FBXL2: variants seen among roughly 807,000 people sequenced by gnomAD.
FBXL2 encodes F-box and leucine rich repeat protein 2.
In FBXL2, 38 loss-of-function variants were observed where a neutral mutation model predicts 69.2. The observed-to-expected ratio is 0.55, with a 90% confidence interval of 0.42 to 0.72. The LOEUF is 0.72. Among genes scored for constraint, FBXL2 ranks in the 30% least tolerant of loss-of-function variants. The pLI is 0.00. For missense variants in FBXL2, 354 were observed against 520.3 expected (o/e 0.68, Z 3.11); for synonymous variants, 192 against 201.3 (o/e 0.95, Z 0.39).
At chr3:33,382,939 TC>T (rs1446263003) in intron 13 of FBXL2, 2 of 152,212 alleles carry the variant, frequency 1.3e-5, no homozygotes, top group Non-Finnish European at 2.9e-5. Flanking sequence ...TTGACCTTCT[TC>T]CTAAACAGTA....
At chr3:33,321,345 AAAAG>A (rs1190505592) in intron 2 of FBXL2, among the ~76,000 whole-genome samples, 5 of 152,132 alleles carry the variant, frequency 3.3e-5, no homozygotes, top group African/African-American at 9.6e-5. Context: ...AAAAAAAAGA[AAAAG>A]AAAAATGTGC....
intron 2 of FBXL2, among the ~76,000 whole-genome samples, chr3:33,358,016 C>T (rs1253851418): frequency 3.3e-5 from 5 of 152,116 alleles, no homozygotes; most frequent in Non-Finnish European, 5.9e-5. Flanking sequence ...ACTCTTCTTC[C>T]CTGAGTCCGT....
chr3:33,319,100 A>T (rs760609813), intron 2 of FBXL2, among the ~76,000 whole-genome samples: 22 of 152,330 alleles, frequency 1.4e-4, no homozygotes, highest in Non-Finnish European at 2.8e-4. Context: ...CAGTCCTGGG[A>T]TATATCAAGA....
chr3:33,290,964 C>G (rs1423165592), intron 1 of FBXL2, among the ~76,000 whole-genome samples: 3 of 151,626 alleles, frequency 2.0e-5, no homozygotes, highest in South Asian at 4.2e-4. Context: ...CCCTCTCACT[C>G]TGTTGCTCAG....
At chr3:33,303,730 A>G (rs1014399446) in intron 2 of FBXL2, among the ~76,000 whole-genome samples, 1 of 152,150 alleles carries the variant, frequency 6.6e-6, no homozygotes, top group Non-Finnish European at 1.5e-5. Flanking sequence ...AATTAGATAT[A>G]CATTATAAGC....
intron 2 of FBXL2, among the ~76,000 whole-genome samples, chr3:33,323,495 T>C (rs1243263440): frequency 6.6e-6 from 1 of 152,140 alleles, no homozygotes; most frequent in African/African-American, 2.4e-5. Context: ...TTGTGTGATG[T>C]TCCCCTCCCT....
chr3:33,398,228 C>CTAA (rs2044083606), intron 12 of FBXL2: 1 of 152,194 alleles, frequency 6.6e-6, no homozygotes, highest in Admixed American at 6.5e-5. Context: ...TAGCCACTTA[C>CTAA]ATATGTAGAA....
chr3:33,367,089 T>C (rs979713208), intron 5 of FBXL2, among the ~76,000 whole-genome samples: 19 of 152,180 alleles, frequency 1.2e-4, no homozygotes, highest in African/African-American at 4.3e-4. Context: ...AATTACAAAG[T>C]CAGTTTCTTT....
At chr3:33,388,767 C>A (rs375044770), downstream of FBXL2, 1 of 152,140 alleles carries the variant, frequency 6.6e-6, no homozygotes, top group East Asian at 1.9e-4. Context: ...ATTTTCAAAT[C>A]GATGATGAAA....
chr3:33,392,627 AG>A, downstream of FBXL2: 2 of 1,605,074 alleles, frequency 1.2e-6, no homozygotes, highest in Non-Finnish European at 1.7e-6. Context: ...GGAAGGATAA[AG>A]TAAATGCGTA....
At chr3:33,404,184 G>T (rs55951549), downstream of FBXL2, among the ~76,000 whole-genome samples, 1 of 152,022 alleles carries the variant, frequency 6.6e-6, no homozygotes, top group African/African-American at 2.4e-5. Flanking sequence ...AGGCTGAGGT[G>T]GGTGGATCAT....
chr3:33,373,104 G>C lies in FBXL2; in HGVS notation c.303G>C (p.Gln101His). 3 of 1,614,206 alleles carry C rather than the reference G, an allele frequency of 1.9e-6. No individual in the cohort carries two copies. The highest frequency in any genetic ancestry group is 2.5e-6 in the Non-Finnish European group (3 of 1,180,006). The change falls in exon 6 of 15, where the codon CAG becomes CAC. Residue 101 changes from glutamine (Q) to histidine (H), a missense_variant. Coordinates refer to ENST00000484457, the MANE Select transcript of FBXL2 (RefSeq NM_012157.5). ...TTTCTCATTTTAGGACCTTTGCACA[G>C]AACTGCCGAAACATTGAACATTTGA... ...VGDSSLKTFA[Q>H]NCRNIEHLNL...
downstream of FBXL2, chr3:33,388,221 A>G (rs1290454106): frequency 6.6e-6 from 1 of 152,388 alleles, no homozygotes; most frequent in Admixed American, 6.5e-5. Flanking sequence ...GGAAAAAACT[A>G]TGAGCCTAAC....
chr3:33,306,219 G>T (rs1043490668), intron 2 of FBXL2, among the ~76,000 whole-genome samples: 1 of 151,776 alleles, frequency 6.6e-6, no homozygotes, highest in Non-Finnish European at 1.5e-5. Context: ...TATTTATCAC[G>T]TACCGCTTTT....
Position 33,386,117 on chromosome 3 carries a change from T to C in FBXL2, c.*509T>C, listed in dbSNP as rs2043411861. On this transcript the variant is annotated 3_prime_UTR_variant, in exon 15 of 15. Transcript: ENST00000484457. The stretch of plus-strand genomic sequence containing the variant: ...GACTGTACTGCAAATTAATTCATAA[T>C]GCCTGATAGTTTTATATATAGAGAC... The C allele has an allele frequency of 6.0e-6, 1 of 167,568 alleles. No homozygotes were observed. The highest frequency in any genetic ancestry group is 1.3e-5 in the Non-Finnish European group (1 of 75,746). 10.4% of individuals were successfully genotyped at this position (167,568 alleles called of 1,614,324 possible). A position where few individuals can be genotyped will look rare whatever the true frequency, so the allele number is the denominator to read the frequency against.
At chr3:33,289,603 ATAG>A (rs1490292318) in intron 1 of FBXL2, 5 of 181,334 alleles carry the variant, frequency 2.8e-5, no homozygotes, top group Non-Finnish European at 5.3e-5. Flanking sequence ...TTTGCAATAG[ATAG>A]TTAAAGAGAA....
chr3:33,404,123 T>C (rs1023569809), downstream of FBXL2, among the ~76,000 whole-genome samples: 1 of 151,906 alleles, frequency 6.6e-6, no homozygotes, highest in African/African-American at 2.4e-5. Context: ...ATAAAATAAA[T>C]ATAATGAGGC....
intron 1 of FBXL2, chr3:33,289,890 G>A (rs368288216): frequency 2.4e-4 from 143 of 599,982 alleles, no homozygotes; most frequent in East Asian, 1.8e-3. Flanking sequence ...AAGCCTGGGC[G>A]TGCAACAGGC....
chr3:33,287,942 G>GT (rs1328655064), intron 1 of FBXL2, among the ~76,000 whole-genome samples: 81 of 151,426 alleles, frequency 5.3e-4, no homozygotes, highest in Middle Eastern at 3.4e-3. Flanking sequence ...GGATTTACTG[G>GT]GTTTTTTTTT....
Sources: allele counts gnomAD v4.1 joint callset (sites outside exome capture counted in the v4.1 genomes callset), GRCh38; gene constraint gnomAD v4.1.1; transcripts MANE v1.5; gene names NCBI Gene and HGNC (gene_info 2026-07-23, HGNC 2026-07-21).